VPS35: variants seen among roughly 807,000 people sequenced by gnomAD.
The protein encoded by VPS35 is VPS35 retromer complex component, also known as vacuolar protein sorting-associated protein 35.
VPS35 carries 21 observed loss-of-function variants against 98.1 expected under a neutral mutation model. The ratio of observed to expected loss-of-function variants is 0.21; its 90% CI spans 0.15 to 0.31. The LOEUF is 0.31. Among genes scored for constraint, VPS35 ranks in the 10% least tolerant of loss-of-function variants. VPS35 has a pLI of 1.00. For synonymous variants in VPS35, 268 were observed against 318.2 expected, an observed-to-expected ratio of 0.84 and a Z score of 1.68; for missense variants, 554 against 950.8, an observed-to-expected ratio of 0.58 and a Z score of 5.49.
rs1279105530 is a variant in VPS35 at position 46,668,938 on chromosome 16, A to C, written c.1639T>G (p.Ser547Ala). The change falls in exon 13 of 17, where the codon TCT becomes GCT. Residue 547 changes from serine (S) to alanine (A), a missense_variant. Transcript: ENST00000299138. ...CTTAAAAGTAAACTCACCACTTTAG[A>C]ATTCTCTTTATATCGAAAAGCCAGC... is the stretch of plus-strand genomic sequence containing the variant. ...YQLAFRYKEN[S>A]KVDDKWEKKC... The C allele has an allele frequency of 1.9e-6, 3 of 1,614,056 alleles. No individual in the cohort carries two copies. Among genetic ancestry groups the C allele is most frequent in the Non-Finnish European group, 2.5e-6 (3 of 1,180,034 alleles).
At chr16:46,677,440 C>T (rs1324063543) in intron 6 of VPS35, 42 bp from the exon 7 acceptor site, 1 of 1,550,312 alleles carries the variant, frequency 6.5e-7, no homozygotes, top group East Asian at 2.2e-5. Context: ...AATCTGTTTT[C>T]AAAATCTTAA....
intron 12 of VPS35, among the ~76,000 whole-genome samples, chr16:46,671,024 C>T (rs1055943123): frequency 1.3e-5 from 2 of 151,774 alleles, no homozygotes; most frequent in African/African-American, 4.8e-5. Context: ...TATCTAGTAT[C>T]GGTCACTGAT....
chr16:46,662,974 G>C lies in VPS35; in HGVS notation c.1827+9C>G. 1 of 1,614,162 alleles carries C rather than the reference G, an allele frequency of 6.2e-7. No homozygotes were observed. The highest frequency in any genetic ancestry group is 8.5e-7 in the Non-Finnish European group (1 of 1,180,026). On this transcript the variant is annotated intron_variant, in intron 14 of 16. Transcript: ENST00000299138. ...CTGACATGACAACGCAGAAAGAACAGATCATCACCTGGGACATGAATTCAT... is the reference window on the plus strand; with the variant it reads ...CTGACATGACAACGCAGAAAGAACACATCATCACCTGGGACATGAATTCAT...
chr16:46,660,190 TG>T lies in VPS35; in HGVS notation c.*281del, dbSNP rs373111906. 472 of 35,770 alleles carry T rather than the reference TG, an allele frequency of 0.013. 59 individuals carry two copies. Among genetic ancestry groups the T allele is most frequent in the South Asian group, 0.085 (151 of 1,778 alleles). The allele number at this position is 35,770 out of a possible 1,614,324, so 2.2% of individuals were successfully genotyped here. On this transcript the variant is annotated 3_prime_UTR_variant, in exon 17 of 17. Coordinates refer to ENST00000299138, the MANE Select transcript of VPS35 (RefSeq NM_018206.6). ...CCAAGATAAGTGCTTGTGGGTTTTG[TG>T]TTTTTTTTTTTTTTTTTTTTTACAG...
chr16:46,669,141 C>T, intron 12 of VPS35, 89 bp from the exon 13 acceptor site: 1 of 1,522,950 alleles, frequency 6.6e-7, no homozygotes, highest in Non-Finnish European at 9.1e-7. Context: ...TCATTGCTAA[C>T]ATTTTGTGAA....
At chr16:46,679,671 G>A (rs2143008555) in intron 5 of VPS35, among the ~76,000 whole-genome samples, 1 of 152,304 alleles carries the variant, frequency 6.6e-6, no homozygotes, top group South Asian at 2.1e-4. Context: ...TGTAAGCTTT[G>A]TGAGGGAAGA....
intron 5 of VPS35, among the ~76,000 whole-genome samples, chr16:46,679,712 G>A (rs957491950): frequency 1.3e-4 from 20 of 152,034 alleles, no homozygotes; most frequent in Non-Finnish European, 2.1e-4. Context: ...ATTTTTCTAC[G>A]TCTCCTAGGA....
At chr16:46,668,870 C>A (rs868719540) in intron 13 of VPS35, 60 bp downstream of exon 13, 10 of 1,603,408 alleles carry the variant, frequency 6.2e-6, no homozygotes, top group African/African-American at 1.3e-5. Context: ...AACAAACACA[C>A]ACACACTCAG....
chr16:46,671,649 G>T, intron 12 of VPS35, 56 bp downstream of exon 12: 2 of 1,607,910 alleles, frequency 1.2e-6, no homozygotes, highest in South Asian at 2.2e-5. Context: ...TTAAGCACTT[G>T]AACATGTGAT....
chr16:46,662,854 T>C, intron 14 of VPS35, 129 bp downstream of exon 14: 3 of 1,001,260 alleles, frequency 3.0e-6, no homozygotes, highest in South Asian at 2.7e-5. Context: ...GGTTCCATGA[T>C]GGTGGGAAGG....
Position 46,659,086 on chromosome 16 carries a change from T to C in VPS35, c.*1386A>G, listed in dbSNP as rs1965870722. The C allele has an allele frequency of 6.6e-6, 1 of 152,268 alleles. No individual in the cohort carries two copies. The highest frequency in any genetic ancestry group is 2.1e-4 in the South Asian group (1 of 4,830). 9.4% of individuals were successfully genotyped at this position (152,268 alleles called of 1,614,324 possible). A position where few individuals can be genotyped will look rare whatever the true frequency, so the allele number is the denominator to read the frequency against. ...GCCAGCCACCATGCTGTGAGGACACTCTATGGAAGGGCCGTCAAGGAGAGG... is the reference window on the plus strand; with the variant it reads ...GCCAGCCACCATGCTGTGAGGACACCCTATGGAAGGGCCGTCAAGGAGAGG... On this transcript the variant is annotated 3_prime_UTR_variant, in exon 17 of 17. Coordinates refer to ENST00000299138, the MANE Select transcript of VPS35 (RefSeq NM_018206.6).
chr16:46,681,915 G>A (rs1304160980), intron 3 of VPS35, 164 bp downstream of exon 3: 2 of 623,674 alleles, frequency 3.2e-6, no homozygotes, highest in Non-Finnish European at 5.8e-6. Flanking sequence ...TACTCTCAAA[G>A]TGTTTTTCTC....
chr16:46,687,500 T>G (rs1197925214), intron 1 of VPS35, among the ~76,000 whole-genome samples: 1 of 152,208 alleles, frequency 6.6e-6, no homozygotes, highest in Non-Finnish European at 1.5e-5. Context: ...TTCACGTTAC[T>G]TCCTGTAGTC....
chr16:46,672,929 G>A (rs1364948493), intron 10 of VPS35, among the ~76,000 whole-genome samples: 3 of 152,118 alleles, frequency 2.0e-5, no homozygotes, highest in African/African-American at 4.8e-5. Flanking sequence ...ATCAGATGTT[G>A]GTGATTAAGG....
chr16:46,671,898 A>T (rs755459952), intron 11 of VPS35, 38 bp from the exon 12 acceptor site: 3 of 1,610,974 alleles, frequency 1.9e-6, no homozygotes, highest in Non-Finnish European at 1.7e-6. Flanking sequence ...ACTGAGGTGA[A>T]ACCATTGGCA....
At chr16:46,688,595 C>A (rs185298087) in intron 1 of VPS35, 3 of 997,908 alleles carry the variant, frequency 3.0e-6, no homozygotes, top group East Asian at 1.1e-4. Context: ...CCAGAACTCG[C>A]TGACAAACAC....
At chr16:46,669,866 A>G (rs900531096) in intron 12 of VPS35, among the ~76,000 whole-genome samples, 5 of 152,146 alleles carry the variant, frequency 3.3e-5, no homozygotes, top group African/African-American at 1.2e-4. Context: ...GCTTACCACT[A>G]CTTAGCACAA....
intron 13 of VPS35, among the ~76,000 whole-genome samples, chr16:46,664,505 T>C (rs983500564): frequency 6.6e-6 from 1 of 151,490 alleles, no homozygotes; most frequent in East Asian, 2.0e-4. Context: ...GTAATTTGTA[T>C]CTAATTTTTC....
At chr16:46,675,847 TTGAGC>T (rs1439267751) in intron 8 of VPS35, among the ~76,000 whole-genome samples, 6 of 151,920 alleles carry the variant, frequency 3.9e-5, no homozygotes, top group Admixed American at 1.3e-4. Flanking sequence ...GGCAGATCAT[TTGAGC>T]TCAGGAGTTT....
Sources: allele counts gnomAD v4.1 joint callset (sites outside exome capture counted in the v4.1 genomes callset), GRCh38; gene constraint gnomAD v4.1.1; transcripts MANE v1.5; gene names NCBI Gene and HGNC (gene_info 2026-07-23, HGNC 2026-07-21).